FGF14: variants seen among roughly 807,000 people sequenced by gnomAD.
FGF14 encodes fibroblast growth factor homologous factor 4.
Under a neutral mutation model 25.5 loss-of-function variants are expected in FGF14, and 5 were observed. That is an observed-to-expected ratio of 0.20 (90% CI 0.10 to 0.41). FGF14 has a LOEUF of 0.41. Among genes scored for constraint, FGF14 ranks in the 10% least tolerant of loss-of-function variants. FGF14 has a pLI of 1.00. For synonymous variants in FGF14, 138 were observed against 118.3 expected, an observed-to-expected ratio of 1.17 and a Z score of -1.08; for missense variants, 222 against 320.1, an observed-to-expected ratio of 0.69 and a Z score of 2.34.
intron 1 of FGF14, among the ~76,000 whole-genome samples, chr13:101,961,890 A>G (rs1396066648): frequency 6.6e-6 from 1 of 152,164 alleles, no homozygotes; most frequent in Non-Finnish European, 1.5e-5. Context: ...ATTTCTTCAT[A>G]GCAGTGTGAG....
chr13:102,008,880 T>G (rs1223646302), intron 1 of FGF14, among the ~76,000 whole-genome samples: 1 of 152,164 alleles, frequency 6.6e-6, no homozygotes, highest in Non-Finnish European at 1.5e-5. Context: ...CATCTGTTAA[T>G]TACTCCTGTT....
chr13:101,921,109 C>T (rs532328246), upstream of FGF14, among the ~76,000 whole-genome samples: 9 of 152,164 alleles, frequency 5.9e-5, no homozygotes, highest in African/African-American at 1.9e-4. Flanking sequence ...AGGCATGAGC[C>T]ACCATGGCTT....
chr13:101,960,532 T>A lies in FGF14; in HGVS notation c.209-85236A>T, dbSNP rs575709176. On this transcript the variant is annotated intron_variant, in intron 1 of 4. Coordinates refer to the FGF14 transcript ENST00000376131. ...GCAAAGGACATGATCCCATTCCTTT[T>A]TATGGCTGCAAAGTTTTCCATAGTG... Among the ~76,000 whole-genome samples, 10 of 152,352 alleles carry A rather than the reference T, an allele frequency of 6.6e-5. No homozygotes were observed. In the East Asian group the frequency reaches 1.9e-3, roughly 29 times the overall value.
chr13:101,946,722 A>G (rs1031637484), intron 1 of FGF14, among the ~76,000 whole-genome samples: 3 of 152,206 alleles, frequency 2.0e-5, no homozygotes, highest in Admixed American at 2.0e-4. Flanking sequence ...TAAGAATACA[A>G]ACTCTTTTCT....
chr13:102,063,652 CAATAACATTAA>C (rs1445493485), intron 1 of FGF14, among the ~76,000 whole-genome samples: 8 of 151,756 alleles, frequency 5.3e-5, no homozygotes, highest in African/African-American at 1.7e-4. Context: ...AACATTAACC[CAATAACATTAA>C]AATCATGAAA....
chr13:102,205,843 T>G (rs1462577067), intron 1 of FGF14, among the ~76,000 whole-genome samples: 1 of 147,924 alleles, frequency 6.8e-6, no homozygotes, highest in Non-Finnish European at 1.5e-5. Flanking sequence ...AAGTGGAAAG[T>G]GGGTCAGGCA....
At chr13:101,777,734 G>A (rs116294684) in intron 3 of FGF14, among the ~76,000 whole-genome samples, 9 of 152,122 alleles carry the variant, frequency 5.9e-5, no homozygotes, top group African/African-American at 9.7e-5. Flanking sequence ...TGCCGAGGCG[G>A]GTGGATCACC....
intron 1 of FGF14, among the ~76,000 whole-genome samples, chr13:102,106,859 TC>T (rs1424472845): frequency 6.6e-6 from 1 of 152,246 alleles, no homozygotes; most frequent in Non-Finnish European, 1.5e-5. Flanking sequence ...AACTGCATAC[TC>T]ATTTCATCTT....
At position 101,841,502 on chromosome 13, in the gene FGF14, T is replaced by G. The variant is rs139951442; in HGVS notation, c.408+27223A>C. Among the ~76,000 whole-genome samples, 3 of 152,124 alleles carry G rather than the reference T, an allele frequency of 2.0e-5. 1 individual carries two copies. Among genetic ancestry groups the G allele is most frequent in the African/African-American group, 7.2e-5 (3 of 41,532 alleles). On this transcript the variant is annotated intron_variant, in intron 3 of 4. Coordinates refer to ENST00000376143, the MANE Select transcript of FGF14 (RefSeq NM_004115.4). ...AATTTACTATTAAGCATACATATTA[T>G]TTACTACTGAGCATACATAATGCAA...
chr13:102,149,959 C>T (rs372464480), intron 1 of FGF14, among the ~76,000 whole-genome samples: 4 of 152,174 alleles, frequency 2.6e-5, no homozygotes, highest in Non-Finnish European at 2.9e-5. Flanking sequence ...TCAACAAATT[C>T]GAAGACAAAA....
intron 1 of FGF14, among the ~76,000 whole-genome samples, chr13:102,018,284 G>A (rs1016106180): frequency 9.9e-5 from 15 of 152,086 alleles, no homozygotes; most frequent in African/African-American, 3.1e-4. Flanking sequence ...ACCACCTGGT[G>A]TTTCACCAAC....
intron 1 of FGF14, among the ~76,000 whole-genome samples, chr13:102,246,323 T>C (rs2051865363): frequency 6.6e-6 from 1 of 152,066 alleles, no homozygotes; most frequent in African/African-American, 2.4e-5. Flanking sequence ...AAATAGCCAA[T>C]CAGCCTTCAA....
chr13:101,852,341 C>T (rs777944417), intron 3 of FGF14, among the ~76,000 whole-genome samples: 3 of 152,040 alleles, frequency 2.0e-5, no homozygotes, highest in Non-Finnish European at 4.4e-5. Flanking sequence ...TACCCACAAG[C>T]ATGACAATAT....
At chr13:102,164,298 G>A (rs1229360833) in intron 1 of FGF14, among the ~76,000 whole-genome samples, 3 of 152,112 alleles carry the variant, frequency 2.0e-5, no homozygotes, top group East Asian at 3.9e-4. Context: ...CTGTTTTCTT[G>A]TGGTGAAAAG....
chr13:101,921,068 TTA>T (rs142500258), upstream of FGF14, among the ~76,000 whole-genome samples: 54,273 of 149,652 alleles, frequency 0.36, 10,605 homozygotes, highest in East Asian at 0.71. Context: ...CTCTTGATGA[TTA>T]AAAAAAAAAA....
intron 1 of FGF14, among the ~76,000 whole-genome samples, chr13:102,381,561 G>A (rs1382240391): frequency 6.6e-6 from 1 of 152,138 alleles, no homozygotes; most frequent in Non-Finnish European, 1.5e-5. Context: ...CCAGAAACAT[G>A]AGAAATTAAT....
intron 3 of FGF14, among the ~76,000 whole-genome samples, chr13:101,864,129 T>C (rs2044570006): frequency 6.6e-6 from 1 of 152,162 alleles, no homozygotes; most frequent in Non-Finnish European, 1.5e-5. Flanking sequence ...AACTTTCATA[T>C]ATACATATTT....
intron 1 of FGF14, among the ~76,000 whole-genome samples, chr13:102,233,439 T>C (rs1207490727): frequency 9.3e-6 from 1 of 107,746 alleles, no homozygotes; most frequent in African/African-American, 4.6e-5. Flanking sequence ...CCTCATTTTT[T>C]TATTTAACTT....
chr13:101,812,639 ATATATATATATATATTTTTTTTTT>A (rs2041612067), intron 3 of FGF14, among the ~76,000 whole-genome samples: 7 of 11,364 alleles, frequency 6.2e-4, no homozygotes, highest in African/African-American at 1.6e-3. Flanking sequence ...ATATATATAT[ATATATATATATATATTTTTTTTTT>A]TTTTTTTTTT....
Sources: gnomAD v4.1 joint callset for allele counts (sites outside exome capture counted in the v4.1 genomes callset) on GRCh38, gnomAD v4.1.1 for gene constraint, MANE v1.5 for transcripts, NCBI Gene and HGNC (gene_info 2026-07-23, HGNC 2026-07-21) for gene names.